SLC17A5: variants seen among roughly 807,000 people sequenced by gnomAD.
The protein encoded by SLC17A5 is sialin.
Under a neutral mutation model 59.4 loss-of-function variants are expected in SLC17A5, and 47 were observed. The observed-to-expected ratio is 0.79, with a 90% CI of 0.63 to 1.01. The LOEUF (loss-of-function observed/expected upper bound fraction) is 1.01, where lower values mean the gene tolerates loss of function less well. Among genes scored for constraint, SLC17A5 ranks in the 50% least tolerant of loss-of-function variants. The pLI, the probability that SLC17A5 is intolerant of heterozygous loss-of-function variation, is 0.00. For synonymous variants in SLC17A5, 202 were observed against 210.7 expected, an observed-to-expected ratio of 0.96 and a Z score of 0.36; for missense variants, 522 against 595.5, an observed-to-expected ratio of 0.88 and a Z score of 1.28.
chr6:73,598,155 C>T (rs762457207), intron 10 of SLC17A5, among the ~76,000 whole-genome samples: 10 of 152,164 alleles, frequency 6.6e-5, no homozygotes, highest in Non-Finnish European at 1.2e-4. Context: ...TAAAATCAAT[C>T]GTTGTACTAC....
At position 73,636,627 on chromosome 6, in the gene SLC17A5, A is replaced by G. The variant is rs757130446; in HGVS notation, c.694T>C (p.Phe232Leu). The change falls in exon 5 of 11, where the codon TTT becomes CTT. Residue 232 changes from phenylalanine to leucine, a missense_variant. Transcript: ENST00000355773. ...GTTAAAATTTTAAACTTACCAAAAA[A>G]GTAGAAGACATAAGTCCAATTCATA... is the stretch of plus-strand genomic sequence containing the variant. Reference protein sequence around the residue: ...YYMNWTYVFYFFGTIGIFWFL... With the variant: ...YYMNWTYVFYLFGTIGIFWFL... The G allele has an allele frequency of 3.8e-6, 6 of 1,574,106 alleles. No individual in the cohort carries two copies. The highest frequency in any genetic ancestry group is 5.2e-6 in the Non-Finnish European group (6 of 1,144,108).
At chr6:73,653,290 A>T (rs1769954824) in intron 1 of SLC17A5, 3 of 985,414 alleles carry the variant, frequency 3.0e-6, no homozygotes, top group Non-Finnish European at 3.6e-6. Context: ...GCGGATACGC[A>T]GTGGCGGAAA....
intron 10 of SLC17A5, among the ~76,000 whole-genome samples, chr6:73,595,444 A>T (rs1780048096): frequency 6.6e-6 from 1 of 152,234 alleles, no homozygotes; most frequent in Non-Finnish European, 1.5e-5. Flanking sequence ...CACAAACAAA[A>T]TATGAAGCAA....
intron 1 of SLC17A5, chr6:73,653,267 A>G (rs994589053): frequency 2.0e-6 from 2 of 985,346 alleles, no homozygotes; most frequent in African/African-American, 3.5e-5. Flanking sequence ...AGAAGCTACC[A>G]GGTCACATGC....
intron 6 of SLC17A5, among the ~76,000 whole-genome samples, chr6:73,628,068 T>G (rs1768522348): frequency 6.6e-6 from 1 of 152,002 alleles, no homozygotes; most frequent in Non-Finnish European, 1.5e-5. Context: ...TACAGGCATG[T>G]GCCACCACAC....
At chr6:73,627,079 ATT>A (rs59361120) in intron 6 of SLC17A5, among the ~76,000 whole-genome samples, 1 of 139,364 alleles carries the variant, frequency 7.2e-6, no homozygotes, top group Admixed American at 7.4e-5. Flanking sequence ...GCCAGAACTA[ATT>A]TTTTTTTTTT....
chr6:73,637,176 T>C (rs1450076482), intron 4 of SLC17A5, among the ~76,000 whole-genome samples: 2 of 151,832 alleles, frequency 1.3e-5, no homozygotes, highest in African/African-American at 2.4e-5. Flanking sequence ...ATGGAAGTAG[T>C]AAAGCAGAGA....
intron 1 of SLC17A5, among the ~76,000 whole-genome samples, chr6:73,649,842 G>A (rs921924271): frequency 2.6e-5 from 4 of 152,120 alleles, no homozygotes; most frequent in Non-Finnish European, 1.5e-5. Flanking sequence ...TCTGGGAAAA[G>A]TAAGAAATTG....
Position 73,653,980 on chromosome 6 carries a change from G to A in SLC17A5, c.-94C>T. On this transcript the variant is annotated 5_prime_UTR_variant, in exon 1 of 11. Coordinates refer to ENST00000355773, the MANE Select transcript of SLC17A5 (RefSeq NM_012434.5). ...CCCCGGGCCGAGCTGGCTGGACCGG[G>A]CGGGGCGGGGGCGATGACACCGCCC... 2 of 1,183,622 alleles carry A rather than the reference G, an allele frequency of 1.7e-6. No individual in the cohort carries two copies. The highest frequency in any genetic ancestry group is 1.3e-5 in the South Asian group (1 of 75,644). 73.3% of individuals were successfully genotyped at this position (1,183,622 alleles called of 1,614,324 possible).
chr6:73,638,399 A>G lies in SLC17A5; in HGVS notation c.613+13T>C, dbSNP rs751099959. ...TAACATATTACAGCAAAATTTGGTAATTGTTATCTCACCTGCATATGAAAT... is the reference window on the plus strand; with the variant it reads ...TAACATATTACAGCAAAATTTGGTAGTTGTTATCTCACCTGCATATGAAAT... On this transcript the variant is annotated intron_variant, in intron 4 of 10. Transcript: ENST00000355773. 1 of 1,604,874 alleles carries G rather than the reference A, an allele frequency of 6.2e-7. No individual in the cohort carries two copies. Among genetic ancestry groups the G allele is most frequent in the South Asian group, 1.1e-5 (1 of 90,806 alleles).
chr6:73,612,971 T>C (rs1767696417), intron 8 of SLC17A5, among the ~76,000 whole-genome samples: 1 of 151,944 alleles, frequency 6.6e-6, no homozygotes, highest in Admixed American at 6.6e-5. Context: ...GAGAATTACT[T>C]GTGCCTAGAA....
chr6:73,629,858 G>A (rs1298927567), intron 6 of SLC17A5, among the ~76,000 whole-genome samples: 1 of 152,206 alleles, frequency 6.6e-6, no homozygotes, highest in Non-Finnish European at 1.5e-5. Context: ...AATGGGTGAA[G>A]TGGTAATGTC....
chr6:73,608,784 G>A (rs919065531), intron 9 of SLC17A5, among the ~76,000 whole-genome samples: 5 of 152,196 alleles, frequency 3.3e-5, no homozygotes, highest in Admixed American at 3.3e-4. Flanking sequence ...GGGGGGCTGA[G>A]GCGGGAAGAT....
At chr6:73,634,551 C>T (rs567785732) in intron 6 of SLC17A5, among the ~76,000 whole-genome samples, 8 of 152,304 alleles carry the variant, frequency 5.3e-5, no homozygotes, top group Admixed American at 4.6e-4. Context: ...AGGTGTGTGC[C>T]ACCATGCCCA....
chr6:73,611,012 G>A (rs1405167115), intron 8 of SLC17A5, among the ~76,000 whole-genome samples: 2 of 152,190 alleles, frequency 1.3e-5, no homozygotes, highest in African/African-American at 4.8e-5. Flanking sequence ...GGAGGCTGAG[G>A]CGGGAGAATC....
At chr6:73,628,733 T>A (rs1448003572) in intron 6 of SLC17A5, among the ~76,000 whole-genome samples, 1 of 152,226 alleles carries the variant, frequency 6.6e-6, no homozygotes, top group Non-Finnish European at 1.5e-5. Context: ...AATCTTGTAT[T>A]CAGAATGTAT....
intron 1 of SLC17A5, 22 bp from the exon 2 acceptor site, chr6:73,644,625 A>C: frequency 1.3e-6 from 2 of 1,583,996 alleles, no homozygotes; most frequent in Non-Finnish European, 1.7e-6. Flanking sequence ...ATTGGGGAAA[A>C]TTTTTATTTA....
intron 3 of SLC17A5, among the ~76,000 whole-genome samples, chr6:73,639,995 G>A (rs1370933681): frequency 6.6e-6 from 1 of 152,160 alleles, no homozygotes; most frequent in African/African-American, 2.4e-5. Flanking sequence ...GCAGTGAGCC[G>A]AGATCATGCC....
intron 1 of SLC17A5, among the ~76,000 whole-genome samples, chr6:73,651,598 A>T (rs1376663514): frequency 6.6e-6 from 1 of 151,236 alleles, no homozygotes; most frequent in South Asian, 2.1e-4. Context: ...GCTGGAGTGC[A>T]GGGGCGTGAT....
Sources: allele counts gnomAD v4.1 joint callset (sites outside exome capture counted in the v4.1 genomes callset), GRCh38; gene constraint gnomAD v4.1.1; transcripts MANE v1.5; gene names NCBI Gene and HGNC (gene_info 2026-07-23, HGNC 2026-07-21).